Variants in ALDH7A1 observed in about 807,000 individuals in gnomAD.
ALDH7A1 encodes aldehyde dehydrogenase 7 family member A1.
A neutral mutation model predicts 79.9 loss-of-function variants in ALDH7A1; 63 were observed. That is an observed-to-expected ratio of 0.79 (90% confidence interval 0.64 to 0.97). ALDH7A1 has a LOEUF of 0.97. Ranked by LOEUF, ALDH7A1 falls within the 50% of genes least tolerant of loss-of-function variation. ALDH7A1 has a pLI of 0.00. For missense variants in ALDH7A1, 627 were observed against 665.2 expected (o/e 0.94, Z 0.63); for synonymous variants, 240 against 231.2 (o/e 1.04, Z -0.34).
rs759132307 is a variant in ALDH7A1 at position 126,559,434 on chromosome 5, GT to G, written c.914-101del. 16,667 of 434,072 alleles carry G rather than the reference GT, an allele frequency of 0.038. 14 individuals carry two copies. The highest frequency in any genetic ancestry group is 0.12 in the East Asian group (2,086 of 18,078). The allele number at this position is 434,072 out of a possible 1,614,324, so 26.9% of individuals were successfully genotyped here. The stretch of plus-strand genomic sequence containing the variant: ...ATGTTGTTTTTTGTTTTTGGTTTTG[GT>G]TTTTTTTTTTTTTTTTTGAGACAGA... On this transcript the variant is annotated intron_variant, in intron 10 of 17. Transcript: ENST00000409134.
At chr5:126,590,181 G>A (rs1421407584) in intron 3 of ALDH7A1, among the ~76,000 whole-genome samples, 4 of 149,922 alleles carry the variant, frequency 2.7e-5, no homozygotes, top group South Asian at 2.1e-4. Context: ...AGTGAAGAGC[G>A]CCTCTGCCCG....
chr5:126,558,850 C>T (rs912312536), intron 11 of ALDH7A1, among the ~76,000 whole-genome samples: 36 of 152,204 alleles, frequency 2.4e-4, no homozygotes, highest in African/African-American at 8.7e-4. Context: ...TGTTTTACTA[C>T]TTAAAATGTT....
intron 7 of ALDH7A1, among the ~76,000 whole-genome samples, chr5:126,573,470 C>A (rs929960249): frequency 6.6e-6 from 1 of 151,886 alleles, no homozygotes; most frequent in Non-Finnish European, 1.5e-5. Flanking sequence ...GAGGCTGAGG[C>A]GGGCAGATCA....
intron 5 of ALDH7A1, among the ~76,000 whole-genome samples, chr5:126,578,139 A>C (rs1386969677): frequency 6.7e-6 from 1 of 149,838 alleles, no homozygotes; most frequent in African/African-American, 2.5e-5. Flanking sequence ...AAAAACAAAA[A>C]TTAGCCGGGC....
chr5:126,594,253 G>A (rs1204641265), intron 1 of ALDH7A1: 1 of 471,006 alleles, frequency 2.1e-6, no homozygotes, highest in Non-Finnish European at 4.4e-6. Context: ...ATTTCGGCAC[G>A]TCCAAGCTTG....
chr5:126,589,998 GC>G (rs1243159014), intron 3 of ALDH7A1, among the ~76,000 whole-genome samples: 18 of 132,014 alleles, frequency 1.4e-4, no homozygotes, highest in African/African-American at 5.5e-4. Context: ...CTGCCCAGCT[GC>G]CCACTGTCTG....
chr5:126,593,424 G>A lies in ALDH7A1; in HGVS notation c.193-20C>T, dbSNP rs199762757. 2.1e-4 allele frequency: 334 copies of A among 1,613,716 alleles called. No individual in the cohort carries two copies. Among genetic ancestry groups the A allele is most frequent in the Admixed American group, 8.2e-4 (49 of 59,938 alleles). ...AATAACCTTAAAACAAAAGGATGATGATCATGTATAGAAAACGTAATCCCT... is the reference window on the plus strand; with the variant it reads ...AATAACCTTAAAACAAAAGGATGATAATCATGTATAGAAAACGTAATCCCT... On this transcript the variant is annotated intron_variant, in intron 1 of 17. Transcript: ENST00000409134.
chr5:126,594,754 T>C (rs1751683333), intron 1 of ALDH7A1, among the ~76,000 whole-genome samples: 1 of 152,062 alleles, frequency 6.6e-6, no homozygotes, highest in African/African-American at 2.4e-5. Flanking sequence ...TAGACCATAA[T>C]GTTTTAAATA....
intron 12 of ALDH7A1, chr5:126,555,539 C>A: frequency 2.6e-5 from 4 of 156,164 alleles, no homozygotes; most frequent in South Asian, 1.8e-4. Flanking sequence ...TGAGAAGTTA[C>A]TGAGGGGTAT....
chr5:126,592,540 G>A, intron 3 of ALDH7A1, 124 bp downstream of exon 3: 1 of 943,204 alleles, frequency 1.1e-6, no homozygotes, highest in East Asian at 2.6e-5. Flanking sequence ...CAGTATCACA[G>A]CCCCCAAGGA....
At chr5:126,590,622 C>T (rs145639023) in intron 3 of ALDH7A1, among the ~76,000 whole-genome samples, 8,913 of 152,188 alleles carry the variant, frequency 0.059, 496 homozygotes, top group African/African-American at 0.15. Flanking sequence ...TGGTGGTTCA[C>T]GCCTGTAATC....
intron 7 of ALDH7A1, among the ~76,000 whole-genome samples, chr5:126,574,698 A>G (rs921378148): frequency 6.7e-6 from 1 of 149,912 alleles, no homozygotes; most frequent in African/African-American, 2.5e-5. Context: ...CCATCTCAAA[A>G]AATAATAATA....
intron 13 of ALDH7A1, among the ~76,000 whole-genome samples, chr5:126,552,605 C>T (rs1042172337): frequency 6.6e-6 from 1 of 152,002 alleles, no homozygotes; most frequent in African/African-American, 2.4e-5. Flanking sequence ...CCATTTTGGC[C>T]AGGCTGGTCT....
chr5:126,587,121 T>A (rs1446763800), intron 3 of ALDH7A1: 1 of 151,760 alleles, frequency 6.6e-6, no homozygotes, highest in Non-Finnish European at 1.5e-5. Flanking sequence ...TTCCCTGTCT[T>A]CAAGAACAGA....
In ALDH7A1 at chr5:126,593,308, AACACAC is replaced by A. The variant is rs142510783; in HGVS notation, c.246+37_246+42del. Reference sequence around the variant, plus strand: ...AACTCCTTGTGTATAATTTGAATTAAACACACACACACACACACACACACACACACA... The same window carrying A: ...AACTCCTTGTGTATAATTTGAATTAAACACACACACACACACACACACACA... On this transcript the variant is annotated intron_variant, in intron 2 of 17. Transcript: ENST00000409134. 4.3e-3 allele frequency: 6,653 copies of A among 1,545,530 alleles called. 106 individuals carry two copies. In the African/African-American group the frequency reaches 0.078, roughly 18 times the overall value.
intron 9 of ALDH7A1, chr5:126,562,417 C>G (rs796692265): frequency 6.6e-6 from 1 of 151,828 alleles, no homozygotes; most frequent in Non-Finnish European, 1.5e-5. Flanking sequence ...TGGCATGTTG[C>G]CCAGGCCGGT....
chr5:126,550,152 A>T, intron 15 of ALDH7A1, 44 bp downstream of exon 15: 1 of 1,585,774 alleles, frequency 6.3e-7, no homozygotes, highest in Non-Finnish European at 8.6e-7. Flanking sequence ...CACTCACCAC[A>T]TAAATCAGAC....
chr5:126,571,348 G>A (rs1360857368), intron 7 of ALDH7A1, among the ~76,000 whole-genome samples: 1 of 151,132 alleles, frequency 6.6e-6, no homozygotes, highest in African/African-American at 2.4e-5. Context: ...AGTGACGGTG[G>A]GAGCCTGTAA....
At chr5:126,547,180 A>G (rs73341675) in intron 16 of ALDH7A1, among the ~76,000 whole-genome samples, 5,344 of 152,318 alleles carry the variant, frequency 0.035, 302 homozygotes, top group African/African-American at 0.12. Context: ...AGCTAGTGAC[A>G]GCAGTAAATG....
Sources: gnomAD v4.1 joint callset for allele counts (sites outside exome capture counted in the v4.1 genomes callset) on GRCh38, gnomAD v4.1.1 for gene constraint, MANE v1.5 for transcripts, NCBI Gene and HGNC (gene_info 2026-07-23, HGNC 2026-07-21) for gene names.